Variants in B3GALT1 observed in about 807,000 individuals in gnomAD.
B3GALT1 encodes the protein UDP-Gal:betaGlcNAc beta 1,3-galactosyltransferase, polypeptide 1.
Under a neutral mutation model 23.2 loss-of-function variants are expected in B3GALT1, and 10 were observed. The observed-to-expected ratio is 0.43, with a 90% CI of 0.27 to 0.73. The LOEUF (loss-of-function observed/expected upper bound fraction) is 0.73, where lower values mean the gene tolerates loss of function less well. B3GALT1 is among the 30% of genes least tolerant of loss of function. The pLI is 0.21. For missense variants in B3GALT1, 299 were observed against 405.4 expected (o/e 0.74, Z 2.25); for synonymous variants, 156 against 141.5 (o/e 1.10, Z -0.73).
At chr2:167,575,926 A>T (rs1684373739) in intron 2 of B3GALT1, among the ~76,000 whole-genome samples, 1 of 151,830 alleles carries the variant, frequency 6.6e-6, no homozygotes, top group African/African-American at 2.4e-5. Flanking sequence ...CCATTTAGGC[A>T]TATCTCTTTG....
At position 167,715,451 on chromosome 2, in the gene B3GALT1, G is replaced by A. The variant is rs187294327; in HGVS notation, c.-352+68485G>A. ...ACTCAAAGCATCTTTTATTGCTATCGCCCGTCGTTCTTCAGTCATTGGAAG... is the reference window on the plus strand; with the variant it reads ...ACTCAAAGCATCTTTTATTGCTATCACCCGTCGTTCTTCAGTCATTGGAAG... On this transcript the variant is annotated intron_variant, in intron 3 of 4. Coordinates refer to ENST00000392690, the MANE Select transcript of B3GALT1 (RefSeq NM_020981.4). The A allele has an allele frequency of 4.7e-5, 75 of 1,605,948 alleles. No individual in the cohort carries two copies. The Middle Eastern group carries it at 9.9e-4, about 21-fold the overall frequency.
At chr2:167,597,904 G>C (rs950873980) in intron 2 of B3GALT1, among the ~76,000 whole-genome samples, 6 of 152,140 alleles carry the variant, frequency 3.9e-5, no homozygotes, top group African/African-American at 1.4e-4. Context: ...TTATATGAGG[G>C]AGAAAGCAGT....
chr2:167,692,680 T>C (rs1686732817), intron 3 of B3GALT1, among the ~76,000 whole-genome samples: 1 of 152,140 alleles, frequency 6.6e-6, no homozygotes, highest in African/African-American at 2.4e-5. Flanking sequence ...GGCTTGGATA[T>C]ATTTCTGATT....
intron 2 of B3GALT1, among the ~76,000 whole-genome samples, chr2:167,597,122 T>G (rs866287115): frequency 6.1e-5 from 9 of 148,096 alleles, no homozygotes; most frequent in African/African-American, 7.7e-5. Context: ...TTTTTGTTTT[T>G]TTTTTTTTTT....
chr2:167,728,583 G>A (rs771260167), intron 3 of B3GALT1, among the ~76,000 whole-genome samples: 25 of 152,108 alleles, frequency 1.6e-4, no homozygotes, highest in African/African-American at 4.8e-4. Flanking sequence ...TTTATGTCAC[G>A]ACTTTCTGAT....
At chr2:167,699,990 G>T (rs1011016149) in intron 3 of B3GALT1, among the ~76,000 whole-genome samples, 1 of 152,214 alleles carries the variant, frequency 6.6e-6, no homozygotes, top group African/African-American at 2.4e-5. Context: ...TGGGATTACA[G>T]GCGTGAGCCA....
chr2:167,847,797 A>T (rs1689792409), intron 4 of B3GALT1, among the ~76,000 whole-genome samples: 1 of 152,206 alleles, frequency 6.6e-6, no homozygotes, highest in African/African-American at 2.4e-5. Context: ...AAATAAATGA[A>T]ACAAAAAGCT....
At chr2:167,782,678 T>G (rs1688266398) in intron 3 of B3GALT1, among the ~76,000 whole-genome samples, 1 of 152,088 alleles carries the variant, frequency 6.6e-6, no homozygotes, top group East Asian at 1.9e-4. Context: ...TCCCAGCTCC[T>G]GGGGGGGAAA....
intron 3 of B3GALT1, among the ~76,000 whole-genome samples, chr2:167,756,133 T>G (rs1424817213): frequency 6.6e-6 from 1 of 152,110 alleles, no homozygotes; most frequent in Non-Finnish European, 1.5e-5. Flanking sequence ...TAGTCCACAC[T>G]TACTTAAGAA....
At chr2:167,497,782 A>G (rs1699800138) in intron 2 of B3GALT1, among the ~76,000 whole-genome samples, 1 of 152,012 alleles carries the variant, frequency 6.6e-6, no homozygotes, top group South Asian at 2.1e-4. Flanking sequence ...CAGGGCTTAC[A>G]GAGGCCATTG....
chr2:167,336,473 A>G (rs976882998), intron 1 of B3GALT1, among the ~76,000 whole-genome samples: 3 of 152,192 alleles, frequency 2.0e-5, no homozygotes, highest in Admixed American at 1.3e-4. Flanking sequence ...TGTTAGGTCA[A>G]GGGCATTCTT....
At chr2:167,643,284 C>T (rs974618502) in intron 2 of B3GALT1, among the ~76,000 whole-genome samples, 2 of 152,110 alleles carry the variant, frequency 1.3e-5, no homozygotes, top group African/African-American at 4.8e-5. Context: ...GGGATATTAT[C>T]TCTTTGTGTA....
At chr2:167,562,977 G>A (rs186713718) in intron 2 of B3GALT1, among the ~76,000 whole-genome samples, 13 of 152,218 alleles carry the variant, frequency 8.5e-5, no homozygotes, top group Admixed American at 5.2e-4. Context: ...CAAGGTCACC[G>A]ATCAACAGGA....
intron 4 of B3GALT1, among the ~76,000 whole-genome samples, chr2:167,863,990 A>ATGTGTGTGTGTGTGTGTG (rs34276280): frequency 1.1e-4 from 16 of 143,728 alleles, no homozygotes; most frequent in African/African-American, 3.6e-4. Flanking sequence ...GCATGTATGT[A>ATGTGTGTGTGTGTGTGTG]TGTGTGTGTG....
At chr2:167,392,135 T>C (rs1698022409) in intron 1 of B3GALT1, among the ~76,000 whole-genome samples, 1 of 151,902 alleles carries the variant, frequency 6.6e-6, no homozygotes, top group Non-Finnish European at 1.5e-5. Flanking sequence ...CCTCTTCTGC[T>C]TGAGTCCTAC....
chr2:167,293,693 C>T (rs913141480), intron 1 of B3GALT1, among the ~76,000 whole-genome samples: 1 of 152,062 alleles, frequency 6.6e-6, no homozygotes, highest in Non-Finnish European at 1.5e-5. Flanking sequence ...GCTGTTGGCT[C>T]GGCGGGAGGT....
chr2:167,577,910 C>T (rs1325925454), intron 2 of B3GALT1, among the ~76,000 whole-genome samples: 1 of 151,830 alleles, frequency 6.6e-6, no homozygotes, highest in Non-Finnish European at 1.5e-5. Flanking sequence ...TGAATATGCA[C>T]ATGAGAAAAC....
At chr2:167,299,015 C>G (rs780512082) in intron 1 of B3GALT1, among the ~76,000 whole-genome samples, 1 of 152,082 alleles carries the variant, frequency 6.6e-6, no homozygotes, top group Non-Finnish European at 1.5e-5. Flanking sequence ...TCTCAGAAAA[C>G]ACCTTCCACA....
intron 2 of B3GALT1, among the ~76,000 whole-genome samples, chr2:167,513,091 A>T (rs73024062): frequency 2.7e-5 from 4 of 146,202 alleles, no homozygotes; most frequent in Non-Finnish European, 6.0e-5. Context: ...AAAAAAAAAA[A>T]GTGGAATCAC....
Sources: gnomAD v4.1 joint callset for allele counts (sites outside exome capture counted in the v4.1 genomes callset) on GRCh38, gnomAD v4.1.1 for gene constraint, MANE v1.5 for transcripts, NCBI Gene and HGNC (gene_info 2026-07-23, HGNC 2026-07-21) for gene names.